GADL1: variants seen among roughly 807,000 people sequenced by gnomAD.
GADL1 encodes GAD like acidic amino acid decarboxylase 1, also known as acidic amino acid decarboxylase GADL1.
Under a neutral mutation model 69.5 loss-of-function variants are expected in GADL1, and 71 were observed. The observed-to-expected ratio is 1.02, with a 90% CI of 0.84 to 1.25. GADL1 has a LOEUF of 1.25. GADL1 is among the 50% of genes most tolerant of loss of function. The probability of loss-of-function intolerance (pLI) is 0.00; values close to 1 mark genes in which losing one functional copy is unlikely to be tolerated. For synonymous variants in GADL1, 254 were observed against 214.4 expected (o/e 1.18, Z -1.62); for missense variants, 737 against 631.8 (o/e 1.17, Z -1.79).
intron 1 of GADL1, among the ~76,000 whole-genome samples, chr3:30,865,588 C>A (rs1033896552): frequency 1.3e-5 from 2 of 151,898 alleles, no homozygotes; most frequent in African/African-American, 4.8e-5. Context: ...CAGGGGAAAC[C>A]TTTGGCTGGG....
At chr3:30,823,614 C>T (rs957044446) in intron 11 of GADL1, among the ~76,000 whole-genome samples, 4 of 151,758 alleles carry the variant, frequency 2.6e-5, no homozygotes, top group African/African-American at 9.7e-5. Context: ...ATTAAGTAAA[C>T]CACCAAAGAT....
At chr3:30,763,117 T>C (rs534831676) in intron 14 of GADL1, among the ~76,000 whole-genome samples, 32 of 152,298 alleles carry the variant, frequency 2.1e-4, no homozygotes, top group African/African-American at 7.2e-4. Flanking sequence ...GGTAAAGTCA[T>C]GTGTCAAGTA....
At chr3:30,869,115 G>A (rs1371865209) in intron 1 of GADL1, among the ~76,000 whole-genome samples, 2 of 151,650 alleles carry the variant, frequency 1.3e-5, no homozygotes, top group Non-Finnish European at 2.9e-5. Flanking sequence ...TAAAAGTCTA[G>A]AAAGCGAATA....
chr3:30,887,698 T>A (rs1418275371), intron 1 of GADL1, among the ~76,000 whole-genome samples: 4 of 152,142 alleles, frequency 2.6e-5, no homozygotes, highest in East Asian at 1.9e-4. Flanking sequence ...ACAAAAGTAG[T>A]GAAATCCAGA....
chr3:30,795,708 T>C (rs563157774), intron 12 of GADL1, among the ~76,000 whole-genome samples: 1 of 152,312 alleles, frequency 6.6e-6, no homozygotes, highest in South Asian at 2.1e-4. Flanking sequence ...TAAATCTTAA[T>C]TCTAGAGAAA....
At chr3:30,833,713 A>G (rs1575226281) in intron 11 of GADL1, 140 bp downstream of exon 11, 2 of 634,128 alleles carry the variant, frequency 3.2e-6, no homozygotes, top group Non-Finnish European at 5.8e-6. Flanking sequence ...TCTTTCATGT[A>G]GAGACCATCA....
chr3:30,774,570 T>TG (rs1696490295), intron 14 of GADL1, among the ~76,000 whole-genome samples: 1 of 145,328 alleles, frequency 6.9e-6, no homozygotes, highest in South Asian at 2.2e-4. Context: ...TTTCTAAGAG[T>TG]ATATGCAAGA....
At chr3:30,777,959 A>T (rs1696574568) in intron 14 of GADL1, among the ~76,000 whole-genome samples, 1 of 152,206 alleles carries the variant, frequency 6.6e-6, no homozygotes, top group Non-Finnish European at 1.5e-5. Flanking sequence ...CTTCTACCTT[A>T]CAGACAACCT....
In GADL1 at chr3:30,775,162, A is replaced by AT. The variant is rs1249987700; in HGVS notation, c.1392+3016dup. Among the ~76,000 whole-genome samples, 3 of 152,338 alleles carry AT rather than the reference A, an allele frequency of 2.0e-5. No homozygotes were observed. The East Asian group carries it at 5.8e-4, about 29-fold the overall frequency. On this transcript the variant is annotated intron_variant, in intron 14 of 14. Coordinates refer to ENST00000282538, the MANE Select transcript of GADL1 (RefSeq NM_207359.3). ...CTCAAATAGTCTCACGTACGTGCAC[A>AT]TACTTGCAAGCATACATATGCGCTC...
intron 1 of GADL1, among the ~76,000 whole-genome samples, chr3:30,878,078 C>A (rs1575245861): frequency 6.6e-6 from 1 of 151,850 alleles, no homozygotes. Context: ...CAAAAGGGAA[C>A]CCTCTGGAGT....
intron 14 of GADL1, among the ~76,000 whole-genome samples, chr3:30,732,423 A>G (rs1695472294): frequency 6.6e-6 from 1 of 152,060 alleles, no homozygotes; most frequent in Non-Finnish European, 1.5e-5. Flanking sequence ...TGACATTTCT[A>G]TTTGGATACA....
At chr3:30,816,963 C>T (rs909178665) in intron 11 of GADL1, among the ~76,000 whole-genome samples, 3 of 151,918 alleles carry the variant, frequency 2.0e-5, no homozygotes, top group African/African-American at 4.8e-5. Flanking sequence ...TTATATAGTC[C>T]CCAAGCCTAT....
intron 14 of GADL1, among the ~76,000 whole-genome samples, chr3:30,739,261 T>C (rs1299959141): frequency 6.6e-6 from 1 of 152,182 alleles, no homozygotes; most frequent in East Asian, 1.9e-4. Flanking sequence ...TCTTGTTCTA[T>C]ACAGGCTGCC....
rs754535920 is a variant in GADL1 at position 30,850,124 on chromosome 3, A to G, written c.536-13T>C. ...GACACTGAGCCACCTGCAAAAACAA[A>G]ATTAAAATGGCATATTTATAGCATG... is the stretch of plus-strand genomic sequence containing the variant. On this transcript the variant is annotated splice_polypyrimidine_tract_variant and intron_variant, in intron 5 of 14. Transcript: ENST00000282538. The G allele has an allele frequency of 1.4e-6, 2 of 1,386,304 alleles. No individual in the cohort carries two copies. The highest frequency in any genetic ancestry group is 1.0e-6 in the Non-Finnish European group (1 of 974,610). The allele number at this position is 1,386,304 out of a possible 1,614,324, so 85.9% of individuals were successfully genotyped here. A position where few individuals can be genotyped will look rare whatever the true frequency, so the allele number is the denominator to read the frequency against.
chr3:30,830,114 A>G (rs1697762966), intron 11 of GADL1, among the ~76,000 whole-genome samples: 1 of 151,764 alleles, frequency 6.6e-6, no homozygotes, highest in Non-Finnish European at 1.5e-5. Flanking sequence ...ATCTCCTCTC[A>G]CCTTTCTTCC....
At chr3:30,732,139 A>T (rs1002234778) in intron 14 of GADL1, among the ~76,000 whole-genome samples, 1 of 152,190 alleles carries the variant, frequency 6.6e-6, no homozygotes, top group Non-Finnish European at 1.5e-5. Flanking sequence ...AATGCTAGGT[A>T]ATTTGGATAT....
chr3:30,811,164 T>C (rs1049122002), intron 11 of GADL1, among the ~76,000 whole-genome samples: 1 of 152,142 alleles, frequency 6.6e-6, no homozygotes, highest in African/African-American at 2.4e-5. Context: ...ATCTGAGATA[T>C]TTTCTCCCAG....
chr3:30,821,841 T>G (rs911586368), intron 11 of GADL1, among the ~76,000 whole-genome samples: 11 of 151,966 alleles, frequency 7.2e-5, no homozygotes, highest in African/African-American at 2.7e-4. Flanking sequence ...AACAGCTGTT[T>G]GATTCAATGA....
At chr3:30,815,733 A>G (rs1014598970) in intron 11 of GADL1, among the ~76,000 whole-genome samples, 3 of 152,222 alleles carry the variant, frequency 2.0e-5, no homozygotes, top group Admixed American at 2.0e-4. Context: ...GGATTAAACA[A>G]TCAGGTTTTA....
Sources: gnomAD v4.1 joint callset for allele counts (sites outside exome capture counted in the v4.1 genomes callset) on GRCh38, gnomAD v4.1.1 for gene constraint, MANE v1.5 for transcripts, NCBI Gene and HGNC (gene_info 2026-07-23, HGNC 2026-07-21) for gene names.